Variants in YIF1B observed in about 807,000 individuals in gnomAD.
The protein encoded by YIF1B is protein YIF1B.
In YIF1B, 24 loss-of-function variants were observed where a neutral mutation model predicts 34.6. The observed-to-expected ratio is 0.69, with a 90% CI of 0.50 to 0.98. YIF1B has a LOEUF of 0.98. Among genes scored for constraint, YIF1B ranks in the 50% least tolerant of loss-of-function variants. YIF1B has a pLI of 0.00. For synonymous variants in YIF1B, 186 were observed against 184.8 expected (o/e 1.01, Z -0.05); for missense variants, 368 against 429.4 (o/e 0.86, Z 1.26).
intron 1 of YIF1B, among the ~76,000 whole-genome samples, chr19:38,315,237 C>T (rs1262726658): frequency 1.4e-5 from 2 of 147,996 alleles, no homozygotes; most frequent in Non-Finnish European, 3.0e-5. Context: ...AAGAACAAAA[C>T]TAGGTCTCAA....
chr19:38,309,016 G>A lies in YIF1B; in HGVS notation c.444C>T (p.Pro148=), dbSNP rs1969190074. The change falls in exon 4 of 8, where the codon CCC becomes CCT. Residue 148 remains proline, a synonymous_variant. Coordinates refer to ENST00000339413, the MANE Select transcript of YIF1B (RefSeq NM_001039672.3). Reference sequence around the variant, plus strand: ...GGTCCGGGGCATTGACGTCAAAGCGGGGGGCCACCGGGGTGTCCTGTTGGT... The same window carrying A: ...GGTCCGGGGCATTGACGTCAAAGCGAGGGGCCACCGGGGTGTCCTGTTGGT... ...VQYQQDTPVA[P]RFDVNAPDLY... 2 of 1,565,148 alleles carry A rather than the reference G, an allele frequency of 1.3e-6. No homozygotes were observed. The highest frequency in any genetic ancestry group is 2.7e-5 in the African/African-American group (2 of 73,846).
chr19:38,304,910 G>GAAGGAGAAGGGC lies in YIF1B; in HGVS notation c.*441_*442insGCCCTTCTCCTT, dbSNP rs1555718995. On this transcript the variant is annotated 3_prime_UTR_variant, in exon 8 of 8. Transcript: ENST00000339413. ...GCAAGGCCAAGAAGCCCAAAGTGAA[G>GAAGGAGAAGGGC]AAGAAGGAGAAGGGCAAGAAGGAGA... 7.0e-6 allele frequency: 11 copies of GAAGGAGAAGGGC among 1,571,406 alleles called. No individual in the cohort carries two copies. In the Admixed American group the frequency reaches 1.1e-4, roughly 16 times the overall value.
chr19:38,307,477 C>T lies in YIF1B; in HGVS notation c.740G>A (p.Gly247Asp). 1 of 1,613,908 alleles carries T rather than the reference C, an allele frequency of 6.2e-7. No homozygotes were observed. Among genetic ancestry groups the T allele is most frequent in the South Asian group, 1.1e-5 (1 of 91,082 alleles). ...VLMGLLFGKI[G>D]YYLVLGWCCV... is the part of the protein sequence containing the mutation. Reference sequence around the variant, plus strand: ...GCACCAGCCCAGCACCAGGTAGTAGCCAATCTTCCCGAAGAGCAGGCCCAT... The same window carrying T: ...GCACCAGCCCAGCACCAGGTAGTAGTCAATCTTCCCGAAGAGCAGGCCCAT... The change falls in exon 7 of 8, where the codon GGC (glycine) becomes GAC (aspartate). Residue 247 changes from glycine (G) to aspartate (D), a missense_variant. Physicochemically the swap from Gly to Asp is moderately conservative, Grantham distance 94. Around this residue, in one of 3 missense-constraint regions of YIF1B, gnomAD observed 208 missense variants for 247.8 expected, o/e 0.84. Coordinates refer to ENST00000339413, the MANE Select transcript of YIF1B (RefSeq NM_001039672.3).
At chr19:38,316,851 G>A (rs1969569162), upstream of YIF1B, among the ~76,000 whole-genome samples, 1 of 152,122 alleles carries the variant, frequency 6.6e-6, no homozygotes, top group African/African-American at 2.4e-5. Context: ...TGTCAAAACA[G>A]GATCTTGCTA....
Position 38,305,285 on chromosome 19 carries a change from A to G in YIF1B, c.*67T>C. 3 of 1,555,188 alleles carry G rather than the reference A, an allele frequency of 1.9e-6. No homozygotes were observed. The highest frequency in any genetic ancestry group is 1.7e-6 in the Non-Finnish European group (2 of 1,149,414). ...GTGGACCTTGGGGCCTGCAGGCAGG[A>G]GATGAGTTCGGCGGCCACAGTGGCC... On this transcript the variant is annotated 3_prime_UTR_variant, in exon 8 of 8. Coordinates refer to ENST00000339413, the MANE Select transcript of YIF1B (RefSeq NM_001039672.3).
chr19:38,317,417 A>G (rs1487619712), upstream of YIF1B: 1 of 152,208 alleles, frequency 6.6e-6, no homozygotes, highest in Non-Finnish European at 1.5e-5. Flanking sequence ...TGCTGGCTCC[A>G]CTGTGGTTCC....
At chr19:38,317,236 A>T (rs2145032832), upstream of YIF1B, 1 of 151,852 alleles carries the variant, frequency 6.6e-6, no homozygotes, top group South Asian at 2.1e-4. Flanking sequence ...TCCCTCTCAG[A>T]CTCCCCGACT....
intron 1 of YIF1B, among the ~76,000 whole-genome samples, chr19:38,311,006 T>C (rs1015717413): frequency 6.6e-6 from 1 of 152,162 alleles, no homozygotes; most frequent in African/African-American, 2.4e-5. Context: ...GGTGGGGATC[T>C]TGATCTCGTT....
chr19:38,304,928 G>GAAGGAGAAGGGC lies in YIF1B; in HGVS notation c.*412_*423dup. On this transcript the variant is annotated 3_prime_UTR_variant, in exon 8 of 8. Coordinates refer to ENST00000339413, the MANE Select transcript of YIF1B (RefSeq NM_001039672.3). ...AAGTGAAGAAGAAGGAGAAGGGCAA[G>GAAGGAGAAGGGC]AAGGAGAAGGGCAAGAAGAAGGAGG... 3.1e-6 allele frequency: 5 copies of GAAGGAGAAGGGC among 1,612,428 alleles called. No individual in the cohort carries two copies. Among genetic ancestry groups the GAAGGAGAAGGGC allele is most frequent in the Non-Finnish European group, 4.2e-6 (5 of 1,179,542 alleles).
intron 7 of YIF1B, 75 bp from the exon 8 acceptor site, chr19:38,305,582 A>C (rs1464531920): frequency 6.7e-7 from 1 of 1,487,622 alleles, no homozygotes; most frequent in Admixed American, 2.3e-5. Flanking sequence ...GCCCGGACAT[A>C]CTTCCAGCCT....
rs1420120905 is a variant in YIF1B at position 38,305,333 on chromosome 19, G to T, written c.*19C>A. On this transcript the variant is annotated 3_prime_UTR_variant, in exon 8 of 8. Coordinates refer to ENST00000339413, the MANE Select transcript of YIF1B (RefSeq NM_001039672.3). ...GCCCCCAGCAGCAGCAGCAGCAGCG[G>T]GAGGTTCAGCGGGCGCGCTCACCGC... is the stretch of plus-strand genomic sequence containing the variant. The T allele has an allele frequency of 6.3e-7, 1 of 1,595,532 alleles. No individual in the cohort carries two copies. Among genetic ancestry groups the T allele is most frequent in the African/African-American group, 1.3e-5 (1 of 74,610 alleles).
At chr19:38,309,909 TACCCACCCTCCCACTC>T (rs1969241797) in intron 1 of YIF1B, 2 of 1,202,188 alleles carry the variant, frequency 1.7e-6, no homozygotes, top group Non-Finnish European at 2.2e-6. Context: ...CCTATCCATC[TACCCACCCTCCCACTC>T]ACCCACCCAT....
At chr19:38,309,699 T>A in intron 1 of YIF1B, 56 bp from the exon 2 acceptor site, 2 of 1,547,560 alleles carry the variant, frequency 1.3e-6, no homozygotes, top group Non-Finnish European at 1.7e-6. Context: ...AAGGGAGACC[T>A]GGCGAACCTC....
In YIF1B at chr19:38,305,358, C is replaced by T. The variant is rs777825745; in HGVS notation, c.939G>A (p.Val313=). The T allele has an allele frequency of 3.1e-6, 5 of 1,602,200 alleles. No homozygotes were observed. The South Asian group carries it at 4.4e-5, about 14-fold the overall frequency. Residue 313 remains valine (V), a synonymous_variant, in exon 8 of 8, where the codon GTG becomes GTA. Transcript: ENST00000339413. ...MLMYWLTFHL[V]R is the part of the protein sequence containing the mutation. ...GGAGGTTCAGCGGGCGCGCTCACCG[C>T]ACCAGGTGGAAGGTGAGCCAGTACA... is the stretch of plus-strand genomic sequence containing the variant.
chr19:38,307,872 T>G, intron 5 of YIF1B, 120 bp from the exon 6 acceptor site: 1 of 1,299,848 alleles, frequency 7.7e-7, no homozygotes, highest in East Asian at 2.5e-5. Flanking sequence ...AAGATGGATG[T>G]GCGCGCTATC....
In YIF1B at chr19:38,315,856, G is replaced by T. The variant is rs1427268360; in HGVS notation, c.58+4C>A. 2 of 1,456,476 alleles carry T rather than the reference G, an allele frequency of 1.4e-6. No individual in the cohort carries two copies. The highest frequency in any genetic ancestry group is 1.8e-6 in the Non-Finnish European group (2 of 1,107,650). 90.2% of individuals were successfully genotyped at this position (1,456,476 alleles called of 1,614,324 possible). A position where few individuals can be genotyped will look rare whatever the true frequency, so the allele number is the denominator to read the frequency against. On this transcript the variant is annotated splice_donor_region_variant and intron_variant, in intron 1 of 7. Coordinates refer to ENST00000339413, the MANE Select transcript of YIF1B (RefSeq NM_001039672.3). Reference sequence around the variant, plus strand: ...CCGCCCGATCTCCTCCGCCGGCCACGTACGCCACTTACGCAGCCGGGGCGT... The same window carrying T: ...CCGCCCGATCTCCTCCGCCGGCCACTTACGCCACTTACGCAGCCGGGGCGT...
intron 5 of YIF1B, among the ~76,000 whole-genome samples, chr19:38,308,354 C>T (rs561397096): frequency 1.3e-5 from 2 of 150,824 alleles, no homozygotes; most frequent in Admixed American, 6.6e-5. Context: ...TAGACCGGAG[C>T]GTGCAGCGGG....
chr19:38,309,284 A>G lies in YIF1B; in HGVS notation c.342T>C (p.Ala114=), dbSNP rs1568355866. ...IPITKLKYYF[A]VDTMYVGRKL... is the part of the protein sequence containing the mutation. ...TTCTGCCCACATACATGGTGTCCAC[A>G]GCAAAGTAATACTTGAGCTTGGTGA... The change falls in exon 3 of 8, where the codon GCT becomes GCC. Residue 114 remains alanine (A), a synonymous_variant. Coordinates refer to ENST00000339413, the MANE Select transcript of YIF1B (RefSeq NM_001039672.3). The G allele has an allele frequency of 1.9e-6, 3 of 1,614,048 alleles. No homozygotes were observed. The highest frequency in any genetic ancestry group is 4.5e-5 in the East Asian group (2 of 44,902).
At position 38,304,762 on chromosome 19, in the gene YIF1B, G is replaced by A. The variant is rs1968916810; in HGVS notation, c.*590C>T. 1 of 1,611,916 alleles carries A rather than the reference G, an allele frequency of 6.2e-7. No individual in the cohort carries two copies. Among genetic ancestry groups the A allele is most frequent in the Non-Finnish European group, 8.5e-7 (1 of 1,178,686 alleles). ...GGCGTCCCCGCACTGGGGCTGGCGG[G>A]GAGGGTGCGGGGAGTGGTCCCCCTG... On this transcript the variant is annotated 3_prime_UTR_variant, in exon 8 of 8. Transcript: ENST00000339413.
Sources: allele counts gnomAD v4.1 joint callset (sites outside exome capture counted in the v4.1 genomes callset), GRCh38; gene constraint gnomAD v4.1.1; regional missense constraint gnomAD v4.1.1; transcripts MANE v1.5; gene names NCBI Gene and HGNC (gene_info 2026-07-23, HGNC 2026-07-21).